Variants in GPN2 observed in about 807,000 individuals in gnomAD.
GPN2 encodes the protein GPN-loop GTPase 2.
Under a neutral mutation model 30.1 loss-of-function variants are expected in GPN2, and 27 were observed. The ratio of observed to expected loss-of-function variants is 0.90; its 90% CI spans 0.66 to 1.24. The LOEUF (loss-of-function observed/expected upper bound fraction) is 1.24, where lower values mean the gene tolerates loss of function less well. Among genes scored for constraint, GPN2 ranks in the 50% most tolerant of loss-of-function variants. GPN2 has a pLI of 0.00. For synonymous variants in GPN2, 212 were observed against 174.4 expected, an observed-to-expected ratio of 1.22 and a Z score of -1.70; for missense variants, 406 against 405.4, an observed-to-expected ratio of 1.00 and a Z score of -0.01.
At chr1:26,880,999 G>C (rs894054063) in intron 4 of GPN2, among the ~76,000 whole-genome samples, 2 of 152,212 alleles carry the variant, frequency 1.3e-5, no homozygotes, top group African/African-American at 4.8e-5. Flanking sequence ...ACAGAGAGCT[G>C]CTGAATCTTA....
rs761637467 is a variant in GPN2 at position 26,889,964 on chromosome 1, G to A, written c.133C>T (p.Leu45=). Residue 45 remains leucine (L), a synonymous_variant, in exon 1 of 5, where the codon CTG becomes TTG. Transcript: ENST00000374135. ...GGCAGCCCCTCGTTGGCCGGGTCCA[G>A]GTTCACCACCGCCACGCGCCGGCCC... is the stretch of plus-strand genomic sequence containing the variant. The part of the protein sequence containing the change: ...ALGRRVAVVN[L]DPANEGLPYE... 1 of 1,605,750 alleles carries A rather than the reference G, an allele frequency of 6.2e-7. No individual in the cohort carries two copies. Among genetic ancestry groups the A allele is most frequent in the Admixed American group, 1.7e-5 (1 of 59,894 alleles).
rs1326137484 is a variant in GPN2, at chr1:26,884,020, A to ACAG, written c.860+137_860+139dup. ...GTGCCACTGCACTCCAGCCTGGGCG[A>ACAG]CAGAGCAAGACTCCATCTCAAAAAA... On this transcript the variant is annotated intron_variant, in intron 4 of 4. Coordinates refer to ENST00000374135, the MANE Select transcript of GPN2 (RefSeq NM_018066.4). 33 of 641,898 alleles carry ACAG rather than the reference A, an allele frequency of 5.1e-5. No individual in the cohort carries two copies. The Admixed American group carries it at 6.6e-4, about 13-fold the overall frequency. The allele number at this position is 641,898 out of a possible 1,614,324, so 39.8% of individuals were successfully genotyped here.
At chr1:26,888,472 T>C (rs923984513) in intron 2 of GPN2, among the ~76,000 whole-genome samples, 1 of 152,244 alleles carries the variant, frequency 6.6e-6, no homozygotes, top group Non-Finnish European at 1.5e-5. Flanking sequence ...ATTTTTGTGA[T>C]GGCAGCACAA....
chr1:26,887,586 G>A (rs1310027617), intron 2 of GPN2, among the ~76,000 whole-genome samples: 1 of 150,776 alleles, frequency 6.6e-6, no homozygotes, highest in African/African-American at 2.4e-5. Context: ...TTTTGAGACA[G>A]AGTCTTGCTC....
chr1:26,877,467 G>A lies in GPN2; in HGVS notation c.*2210C>T, dbSNP rs992349944. The A allele has an allele frequency of 2.6e-5, 4 of 152,180 alleles. No homozygotes were observed. Among genetic ancestry groups the A allele is most frequent in the African/African-American group, 9.7e-5 (4 of 41,428 alleles). The allele number at this position is 152,180 out of a possible 1,614,324, so 9.4% of individuals were successfully genotyped here. ...TCTATGATTCAGTAATACTTTACAG[G>A]TGCCTAATTTCTTTCTCCTGATTGG... On this transcript the variant is annotated 3_prime_UTR_variant, in exon 5 of 5. Transcript: ENST00000374135.
chr1:26,879,586 G>T lies in GPN2; in HGVS notation c.*91C>A. 2.1e-6 allele frequency: 2 copies of T among 954,784 alleles called. No individual in the cohort carries two copies. The highest frequency in any genetic ancestry group is 3.3e-6 in the Non-Finnish European group (2 of 600,222). The allele number at this position is 954,784 out of a possible 1,614,324, so 59.1% of individuals were successfully genotyped here. A position where few individuals can be genotyped will look rare whatever the true frequency, so the allele number is the denominator to read the frequency against. On this transcript the variant is annotated 3_prime_UTR_variant, in exon 5 of 5. Transcript: ENST00000374135. ...CCAGCCCGCCAGCTCTGGCTGGGAG[G>T]ACTTGCTCTTGGGTCTGCAGCCTGC...
intron 4 of GPN2, 22 bp downstream of exon 4, chr1:26,884,138 G>A: frequency 6.2e-7 from 1 of 1,606,340 alleles, no homozygotes. Flanking sequence ...CTCTGCTATG[G>A]CCAGGAAGCT....
At chr1:26,884,578 TC>T (rs35372607) in intron 3 of GPN2, among the ~76,000 whole-genome samples, 3 of 152,156 alleles carry the variant, frequency 2.0e-5, no homozygotes, top group African/African-American at 7.2e-5. Flanking sequence ...CTCACCTGCC[TC>T]CCCTACTCAA....
Position 26,879,515 on chromosome 1 carries a change from C to G in GPN2, c.*162G>C, listed in dbSNP as rs2081854400. 7 of 631,072 alleles carry G rather than the reference C, an allele frequency of 1.1e-5. No homozygotes were observed. The highest frequency in any genetic ancestry group is 9.8e-5 in the Admixed American group (4 of 40,670). The allele number at this position is 631,072 out of a possible 1,614,324, so 39.1% of individuals were successfully genotyped here. A position where few individuals can be genotyped will look rare whatever the true frequency, so the allele number is the denominator to read the frequency against. ...GGGGGTGTTCTGCTTGGCACCATGT[C>G]TGGCTTTTTGGCCAGAAGTCCTTTG... On this transcript the variant is annotated 3_prime_UTR_variant, in exon 5 of 5. Coordinates refer to ENST00000374135, the MANE Select transcript of GPN2 (RefSeq NM_018066.4).
intron 4 of GPN2, among the ~76,000 whole-genome samples, chr1:26,883,563 G>A (rs988297170): frequency 3.3e-5 from 5 of 152,110 alleles, no homozygotes; most frequent in Non-Finnish European, 5.9e-5. Flanking sequence ...GAGGCAGGTG[G>A]ATCACCTGAG....
At chr1:26,887,564 A>ATTT (rs879518582) in intron 2 of GPN2, among the ~76,000 whole-genome samples, 1 of 142,926 alleles carries the variant, frequency 7.0e-6, no homozygotes, top group Non-Finnish European at 1.5e-5. Flanking sequence ...GAGAGTACTA[A>ATTT]TTTTTTTTTT....
In GPN2 at chr1:26,890,224, G is replaced by C; in HGVS notation, c.-128C>G. ...TTGGCGGCCAGCGTCACTCGCCTCA[G>C]GCGGAACAGCTGAGACCGTGTCGCG... On this transcript the variant is annotated 5_prime_UTR_variant, in exon 1 of 5. Coordinates refer to ENST00000374135, the MANE Select transcript of GPN2 (RefSeq NM_018066.4). 1.2e-6 allele frequency: 1 copy of C among 813,656 alleles called. No individual in the cohort carries two copies. The allele number at this position is 813,656 out of a possible 1,614,324, so 50.4% of individuals were successfully genotyped here.
At chr1:26,881,336 A>C (rs1418181614) in intron 4 of GPN2, among the ~76,000 whole-genome samples, 6 of 152,230 alleles carry the variant, frequency 3.9e-5, no homozygotes, top group Admixed American at 3.9e-4. Context: ...AAAATTATCT[A>C]ACACAAAGCC....
intron 2 of GPN2, among the ~76,000 whole-genome samples, chr1:26,886,775 G>A (rs1261736847): frequency 2.7e-5 from 4 of 149,804 alleles, no homozygotes; most frequent in South Asian, 2.1e-4. Context: ...CCGAGATCGC[G>A]CCACTGCACT....
Position 26,879,656 on chromosome 1 carries a change from TC to T in GPN2, c.*20del, listed in dbSNP as rs1156452907. ...CCCAGTGCTGGATTATGCATCCTGC[TC>T]TCCAGGGTCCACCTTGTTGCTACAG... is the stretch of plus-strand genomic sequence containing the variant. On this transcript the variant is annotated 3_prime_UTR_variant, in exon 5 of 5. Transcript: ENST00000374135. The T allele has an allele frequency of 5.7e-6, 9 of 1,585,644 alleles. No homozygotes were observed. The South Asian group carries it at 1.0e-4, about 18-fold the overall frequency.
At position 26,890,072 on chromosome 1, in the gene GPN2, C is replaced by CG. The variant is rs2081913460; in HGVS notation, c.24_25insC (p.Ala9ArgfsTer23). The CG allele has an allele frequency of 6.4e-7, 1 of 1,560,960 alleles. No individual in the cohort carries two copies. The highest frequency in any genetic ancestry group is 1.8e-5 in the Admixed American group (1 of 56,348). Reference sequence around the variant, plus strand: ...GGGCCGATCACCGCCTGCCCGAAGGCCGTGGTCGGAGCGGCCCCTGCCATT... The same window carrying CG: ...GGGCCGATCACCGCCTGCCCGAAGGCGCGTGGTCGGAGCGGCCCCTGCCATT... On this transcript the variant is annotated frameshift_variant, in exon 1 of 5. Transcript: ENST00000374135. LOFTEE classifies it high-confidence loss of function.
chr1:26,876,250 T>C lies in GPN2; in HGVS notation c.*3427A>G, dbSNP rs1325709556. 6.6e-6 allele frequency: 1 copy of C among 151,260 alleles called. No individual in the cohort carries two copies. The highest frequency in any genetic ancestry group is 2.4e-5 in the African/African-American group (1 of 41,186). The allele number at this position is 151,260 out of a possible 1,614,324, so 9.4% of individuals were successfully genotyped here. A position where few individuals can be genotyped will look rare whatever the true frequency, so the allele number is the denominator to read the frequency against. On this transcript the variant is annotated 3_prime_UTR_variant, in exon 5 of 5. Transcript: ENST00000374135. Reference sequence around the variant, plus strand: ...TTTTTTTTGAGATGTACTTTCCATCTTGTTACCCAGGCTGGAGTGCAATGG... The same window carrying C: ...TTTTTTTTGAGATGTACTTTCCATCCTGTTACCCAGGCTGGAGTGCAATGG...
rs183090602 is a variant in GPN2 at position 26,890,142 on chromosome 1, G to A, written c.-46C>T. 2.3e-4 allele frequency: 325 copies of A among 1,440,048 alleles called. No homozygotes were observed. The highest frequency in any genetic ancestry group is 2.0e-3 in the Middle Eastern group (10 of 4,984). 89.2% of individuals were successfully genotyped at this position (1,440,048 alleles called of 1,614,324 possible). On this transcript the variant is annotated 5_prime_UTR_variant, in exon 1 of 5. Transcript: ENST00000374135. ...CAGGTCAACTCACAGGGAAAACGGG[G>A]CAGGTAGCCGCGCCGGAGACGAGAC...
chr1:26,889,642 A>G (rs1387008977), intron 1 of GPN2, 44 bp downstream of exon 1: 4 of 1,533,508 alleles, frequency 2.6e-6, no homozygotes, highest in Non-Finnish European at 3.5e-6. Flanking sequence ...TCCCTGTCTC[A>G]GTTACTCCAT....
Sources: gnomAD v4.1 joint callset for allele counts (sites outside exome capture counted in the v4.1 genomes callset) on GRCh38, gnomAD v4.1.1 for gene constraint, MANE v1.5 for transcripts, NCBI Gene and HGNC (gene_info 2026-07-23, HGNC 2026-07-21) for gene names.